The following AHDC1 variants were observed in gnomAD, a reference collection of about 807,000 sequenced individuals.
AHDC1 encodes transcription factor Gibbin.
A neutral mutation model predicts 87.9 loss-of-function variants in AHDC1; 7 were observed. The observed-to-expected ratio is 0.08, with a 90% CI of 0.05 to 0.15. AHDC1 has a LOEUF of 0.15. AHDC1 is among the 10% of genes least tolerant of loss of function. The probability of loss-of-function intolerance (pLI) is 1.00; values close to 1 mark genes in which losing one functional copy is unlikely to be tolerated. For synonymous variants in AHDC1, 1,051 were observed against 1,006.8 expected (o/e 1.04, Z -0.83); for missense variants, 1,841 against 2,253.2 (o/e 0.82, Z 3.70).
intron 3 of AHDC1, among the ~76,000 whole-genome samples, chr1:27,578,022 G>C (rs2088806374): frequency 6.6e-6 from 1 of 152,156 alleles, no homozygotes; most frequent in Non-Finnish European, 1.5e-5. Flanking sequence ...CCTCTGGCGA[G>C]TACAACCCTA....
At position 27,548,340 on chromosome 1, in the gene AHDC1, C is replaced by T; in HGVS notation, c.3776G>A (p.Gly1259Asp). The change falls in exon 8 of 9, where the codon GGC (glycine) becomes GAC (aspartate). Residue 1259 changes from glycine (G) to aspartate (D), a missense_variant. Around this residue, in one of 13 missense-constraint regions of AHDC1, gnomAD observed 505 missense variants for 626.2 expected, o/e 0.81. Coordinates refer to ENST00000673934, the MANE Select transcript of AHDC1 (RefSeq NM_001371928.1). ...CCCAGTGCTCCGTTTGGATGGGTAGCCTGAGGCAGCGGCAGAGGCGGATGT... is the reference window on the plus strand; with the variant it reads ...CCCAGTGCTCCGTTTGGATGGGTAGTCTGAGGCAGCGGCAGAGGCGGATGT... ...FPTSASAAAS[G>D]YPSKRSTGPR... The T allele has an allele frequency of 1.2e-6, 2 of 1,606,376 alleles. No homozygotes were observed. The highest frequency in any genetic ancestry group is 1.1e-5 in the South Asian group (1 of 90,942).
intron 8 of AHDC1, among the ~76,000 whole-genome samples, chr1:27,545,385 C>A (rs1417181597): frequency 6.6e-6 from 1 of 152,026 alleles, no homozygotes; most frequent in East Asian, 1.9e-4. Context: ...GAGTGGGGAG[C>A]AGGGCCAGAA....
chr1:27,567,733 ACTC>A (rs1333593924), intron 3 of AHDC1, among the ~76,000 whole-genome samples: 1 of 151,432 alleles, frequency 6.6e-6, no homozygotes, highest in African/African-American at 2.4e-5. Flanking sequence ...GGCCCACAAT[ACTC>A]CTTGTAGCCC....
Position 27,549,590 on chromosome 1 carries a change from C to A in AHDC1, c.2526G>T (p.Ser842=), listed in dbSNP as rs201297739. The change falls in exon 8 of 9, where the codon TCG becomes TCT. Residue 842 remains serine (S), a synonymous_variant. Coordinates refer to ENST00000673934, the MANE Select transcript of AHDC1 (RefSeq NM_001371928.1). ...RQNLFTGYFR[S]LLDSDDSSDL... is the part of the protein sequence containing the mutation. The stretch of plus-strand genomic sequence containing the variant: ...CGGAGGAGTCATCCGAATCGAGCAG[C>A]GAGCGAAAGTAGCCGGTGAAGAGGT... 2 of 1,613,010 alleles carry A rather than the reference C, an allele frequency of 1.2e-6. No homozygotes were observed. The highest frequency in any genetic ancestry group is 1.3e-5 in the African/African-American group (1 of 74,922).
intron 3 of AHDC1, among the ~76,000 whole-genome samples, chr1:27,600,760 C>A (rs925666110): frequency 9.9e-5 from 15 of 152,196 alleles, no homozygotes; most frequent in Admixed American, 9.2e-4. Context: ...CATCTTTTAA[C>A]CTTTTGAATC....
chr1:27,537,771 GA>G (rs553143182), intron 8 of AHDC1, among the ~76,000 whole-genome samples: 181 of 152,232 alleles, frequency 1.2e-3, no homozygotes, highest in Non-Finnish European at 1.9e-3. Flanking sequence ...ACATTCCTCT[GA>G]GTCCTCATGC....
chr1:27,554,157 G>C (rs1191800543), intron 5 of AHDC1, among the ~76,000 whole-genome samples: 1 of 152,202 alleles, frequency 6.6e-6, no homozygotes, highest in Non-Finnish European at 1.5e-5. Flanking sequence ...TTCCCTTGAG[G>C]CTCTTTCTTC....
chr1:27,591,312 C>T (rs1432937416), intron 3 of AHDC1, among the ~76,000 whole-genome samples: 1 of 152,238 alleles, frequency 6.6e-6, no homozygotes, highest in Non-Finnish European at 1.5e-5. Flanking sequence ...TGGCACCACA[C>T]CCAGCCCTGC....
intron 3 of AHDC1, among the ~76,000 whole-genome samples, chr1:27,576,188 G>C (rs1252102314): frequency 6.6e-6 from 1 of 152,186 alleles, no homozygotes; most frequent in Non-Finnish European, 1.5e-5. Flanking sequence ...GCCAATCACA[G>C]GCCTCGATTT....
At chr1:27,597,710 C>T (rs993185767) in intron 3 of AHDC1, among the ~76,000 whole-genome samples, 1 of 152,046 alleles carries the variant, frequency 6.6e-6, no homozygotes, top group Non-Finnish European at 1.5e-5. Context: ...GGAGAAAACA[C>T]CTTCCAGATT....
chr1:27,590,980 G>A lies in AHDC1; in HGVS notation c.-629+12417C>T, dbSNP rs1224890662. The stretch of plus-strand genomic sequence containing the variant: ...AGAAACGAGATGCTCCATGATTTAT[G>A]AGCCTAATTCTTTTCCCTTAAATTC... On this transcript the variant is annotated intron_variant, in intron 3 of 8. Transcript: ENST00000673934. This position sits in a 1 kb window ranked among gnomAD's most constrained non-coding sequence, Gnocchi z 5.4. 6.6e-6 allele frequency among the ~76,000 whole-genome samples: 1 copy of A among 152,152 alleles called. No homozygotes were observed. Among genetic ancestry groups the A allele is most frequent in the Non-Finnish European group, 1.5e-5 (1 of 68,006 alleles).
chr1:27,551,105 C>T lies in AHDC1; in HGVS notation c.1011G>A (p.Leu337=), dbSNP rs757889335. Residue 337 remains leucine (L), a synonymous_variant, in exon 8 of 9, where the codon CTG becomes CTA. Coordinates refer to ENST00000673934, the MANE Select transcript of AHDC1 (RefSeq NM_001371928.1). ...QLLDPQALDP[L]PKLLDVPGRR... ...GACCTGGGACGTCAAGCAGCTTGGGCAGGGGGTCGAGTGCCTGGGGGTCAA... is the reference window on the plus strand; with the variant it reads ...GACCTGGGACGTCAAGCAGCTTGGGTAGGGGGTCGAGTGCCTGGGGGTCAA... 2.5e-5 allele frequency: 40 copies of T among 1,579,024 alleles called. No individual in the cohort carries two copies. Among genetic ancestry groups the T allele is most frequent in the Non-Finnish European group, 3.4e-5 (40 of 1,162,332 alleles).
Position 27,598,886 on chromosome 1 carries a change from G to GC in AHDC1, c.-629+4510dup, listed in dbSNP as rs564988309. ...CACCCTACCTTGCACTGGTGACAGC[G>GC]CCCCCGTCACAAAGCCAGCAGCTTC... On this transcript the variant is annotated intron_variant, in intron 3 of 8. Coordinates refer to ENST00000673934, the MANE Select transcript of AHDC1 (RefSeq NM_001371928.1). The surrounding 1 kb of genome is among the most constrained non-coding windows in gnomAD (Gnocchi z 4.2). 3.4e-4 allele frequency among the ~76,000 whole-genome samples: 52 copies of GC among 152,180 alleles called. No homozygotes were observed. The highest frequency in any genetic ancestry group is 6.9e-4 in the Non-Finnish European group (47 of 68,000).
rs2020077450 is a variant in AHDC1 at position 27,561,433 on chromosome 1, T to C, written c.-628-2550A>G. Among the ~76,000 whole-genome samples the C allele has an allele frequency of 6.6e-6, 1 of 152,122 alleles. No individual in the cohort carries two copies. Among genetic ancestry groups the C allele is most frequent in the Non-Finnish European group, 1.5e-5 (1 of 68,008 alleles). On this transcript the variant is annotated intron_variant, in intron 3 of 8. Coordinates refer to ENST00000673934, the MANE Select transcript of AHDC1 (RefSeq NM_001371928.1). The surrounding 1 kb of genome is among the most constrained non-coding windows in gnomAD (Gnocchi z 4.2). The stretch of plus-strand genomic sequence containing the variant: ...ATAAACGTCAGGCCCCCACCCAGTG[T>C]AAATGAACTTCCAACAGTGCCCACA...
chr1:27,547,188 T>A lies in AHDC1; in HGVS notation c.*43+73A>T. ...TTGCTTCCTGCACTCCATACCTCTG[T>A]CCTTGCCTAAGCTCTGATGTCCTCT... is the stretch of plus-strand genomic sequence containing the variant. On this transcript the variant is annotated intron_variant, in intron 8 of 8. Transcript: ENST00000673934. The surrounding 1 kb of genome is among the most constrained non-coding windows in gnomAD (Gnocchi z 4.9). 2 of 1,112,422 alleles carry A rather than the reference T, an allele frequency of 1.8e-6. No individual in the cohort carries two copies. Among genetic ancestry groups the A allele is most frequent in the Non-Finnish European group, 2.5e-6 (2 of 785,806 alleles). The allele number at this position is 1,112,422 out of a possible 1,614,324, so 68.9% of individuals were successfully genotyped here.
At chr1:27,554,862 A>G (rs2019749872) in intron 5 of AHDC1, among the ~76,000 whole-genome samples, 1 of 152,216 alleles carries the variant, frequency 6.6e-6, no homozygotes, top group East Asian at 1.9e-4. Flanking sequence ...GCAATCTACA[A>G]AGCACCTACA....
At chr1:27,602,990 C>A (rs560432922) in intron 3 of AHDC1, among the ~76,000 whole-genome samples, 3 of 139,520 alleles carry the variant, frequency 2.2e-5, no homozygotes, top group East Asian at 2.5e-4. Context: ...CTTCATTCCC[C>A]CCCCCCCCAC....
rs374847068 is a variant in AHDC1 at position 27,545,588 on chromosome 1, C to T, written c.*43+1673G>A. Among the ~76,000 whole-genome samples the T allele has an allele frequency of 3.3e-5, 5 of 152,216 alleles. No individual in the cohort carries two copies. In the East Asian group the frequency reaches 7.7e-4, roughly 23 times the overall value. On this transcript the variant is annotated intron_variant, in intron 8 of 8. Transcript: ENST00000673934. ...GATTATCCATGAGACATCTCCCCGC[C>T]AGTGAGAAGGATCAAGAGTTTGACA... is the stretch of plus-strand genomic sequence containing the variant.
chr1:27,584,209 C>T (rs563991815), intron 3 of AHDC1, among the ~76,000 whole-genome samples: 11 of 152,200 alleles, frequency 7.2e-5, no homozygotes, highest in East Asian at 1.9e-4. Context: ...AAAGTCGGGA[C>T]GCTCACTGCC....
Sources: gnomAD v4.1 joint callset for allele counts (sites outside exome capture counted in the v4.1 genomes callset) on GRCh38, gnomAD v4.1.1 for gene constraint, gnomAD v4.1.1 regional missense constraint, Gnocchi (gnomAD v3.1) non-coding constraint, MANE v1.5 for transcripts, NCBI Gene and HGNC (gene_info 2026-07-23, HGNC 2026-07-21) for gene names.